The following ATXN1 variants were observed in gnomAD, a reference collection of about 807,000 sequenced individuals.
ATXN1 encodes ataxin 1.
Under a neutral mutation model 56.4 loss-of-function variants are expected in ATXN1, and 8 were observed. That is an observed-to-expected ratio of 0.14 (90% CI 0.08 to 0.26). The LOEUF (loss-of-function observed/expected upper bound fraction) is 0.26, where lower values mean the gene tolerates loss of function less well. Among genes scored for constraint, ATXN1 ranks in the 10% least tolerant of loss-of-function variants. The pLI is 1.00. For synonymous variants in ATXN1, 514 were observed against 494.6 expected (o/e 1.04, Z -0.52); for missense variants, 987 against 1,106.5 (o/e 0.89, Z 1.53).
At chr6:16,626,478 G>T (rs913635441) in intron 3 of ATXN1, among the ~76,000 whole-genome samples, 1 of 152,028 alleles carries the variant, frequency 6.6e-6, no homozygotes, top group Non-Finnish European at 1.5e-5. Flanking sequence ...TTTTAGTAGA[G>T]ACGGGGTTTC....
In ATXN1 at chr6:16,585,869, A is replaced by T. The variant is rs1383698667; in HGVS notation, c.-450T>A. On this transcript the variant is annotated 5_prime_UTR_variant, in exon 4 of 8. Coordinates refer to ENST00000436367, the MANE Select transcript of ATXN1 (RefSeq NM_001128164.2). ...TCACGAAGATTTTGCTTGAGTAGAAAGGGTGGCAGTGGAGAATCTCAGTGT... is the reference window on the plus strand; with the variant it reads ...TCACGAAGATTTTGCTTGAGTAGAATGGGTGGCAGTGGAGAATCTCAGTGT... The T allele has an allele frequency of 6.6e-6, 1 of 152,230 alleles. No individual in the cohort carries two copies. 9.4% of individuals were successfully genotyped at this position (152,230 alleles called of 1,614,324 possible). A position where few individuals can be genotyped will look rare whatever the true frequency, so the allele number is the denominator to read the frequency against.
At chr6:16,759,766 G>C (rs929697982) in intron 1 of ATXN1, among the ~76,000 whole-genome samples, 9 of 151,624 alleles carry the variant, frequency 5.9e-5, no homozygotes, top group African/African-American at 1.9e-4. Flanking sequence ...CCCCACTAAG[G>C]TTCTTGCTCA....
chr6:16,326,251 G>A lies in ATXN1; in HGVS notation c.1917+143C>T, dbSNP rs957785239. 2.0e-5 allele frequency: 29 copies of A among 1,416,230 alleles called. No individual in the cohort carries two copies. The highest frequency in any genetic ancestry group is 2.3e-4 in the Middle Eastern group (1 of 4,356). 87.7% of individuals were successfully genotyped at this position (1,416,230 alleles called of 1,614,324 possible). A position where few individuals can be genotyped will look rare whatever the true frequency, so the allele number is the denominator to read the frequency against. ...ATGGGGCTTATTTTTTCTAGAGAAC[G>A]CAGTTGGGAAAGGCCGAGTCTAAGG... On this transcript the variant is annotated intron_variant, in intron 7 of 7. Transcript: ENST00000436367. The surrounding 1 kb of genome is among the most constrained non-coding windows in gnomAD (Gnocchi z 6.6).
At chr6:16,472,308 T>C (rs1298459252) in intron 6 of ATXN1, among the ~76,000 whole-genome samples, 1 of 152,202 alleles carries the variant, frequency 6.6e-6, no homozygotes, top group Non-Finnish European at 1.5e-5. Context: ...TGTAAGGTCA[T>C]GTGTTTGTAC....
At chr6:16,605,049 A>T (rs538126593) in intron 3 of ATXN1, among the ~76,000 whole-genome samples, 1 of 152,258 alleles carries the variant, frequency 6.6e-6, no homozygotes, top group Non-Finnish European at 1.5e-5. Flanking sequence ...AAAACAAATC[A>T]AGGACTGAGG....
intron 6 of ATXN1, among the ~76,000 whole-genome samples, chr6:16,382,585 C>G (rs182332325): frequency 1.3e-5 from 2 of 152,266 alleles, no homozygotes; most frequent in East Asian, 3.9e-4. Flanking sequence ...AATATTTAAA[C>G]TATTTTTTTA....
At chr6:16,523,191 C>T (rs925280236) in intron 4 of ATXN1, among the ~76,000 whole-genome samples, 1 of 152,156 alleles carries the variant, frequency 6.6e-6, no homozygotes, top group African/African-American at 2.4e-5. Context: ...TTTGAGCCAT[C>T]GTACCCAGCC....
chr6:16,306,983 G>C lies in ATXN1; in HGVS notation c.1918-124C>G, dbSNP rs41267704. The C allele has an allele frequency of 1.7e-6, 2 of 1,164,566 alleles. No homozygotes were observed. Among genetic ancestry groups the C allele is most frequent in the Admixed American group, 2.8e-5 (1 of 35,332 alleles). 72.1% of individuals were successfully genotyped at this position (1,164,566 alleles called of 1,614,324 possible). The stretch of plus-strand genomic sequence containing the variant: ...CACACAGACACACACAGGCTGAATG[G>C]GGGAAAATGACTCAGTTTGCAAACC... On this transcript the variant is annotated intron_variant, in intron 7 of 7. Transcript: ENST00000436367. The surrounding 1 kb of genome is among the most constrained non-coding windows in gnomAD (Gnocchi z 5.2).
At chr6:16,756,038 G>T (rs1644205595) in intron 1 of ATXN1, among the ~76,000 whole-genome samples, 1 of 151,996 alleles carries the variant, frequency 6.6e-6, no homozygotes, top group African/African-American at 2.4e-5. Flanking sequence ...ATTTGGGATG[G>T]TAGTAATGCG....
chr6:16,362,864 G>C (rs572152647), intron 6 of ATXN1, among the ~76,000 whole-genome samples: 2 of 152,192 alleles, frequency 1.3e-5, no homozygotes, highest in East Asian at 3.8e-4. Flanking sequence ...TGAGCAGTAG[G>C]AATAATAACA....
chr6:16,309,482 T>C (rs550147289), intron 7 of ATXN1, among the ~76,000 whole-genome samples: 4 of 151,826 alleles, frequency 2.6e-5, no homozygotes, highest in Admixed American at 6.6e-5. Flanking sequence ...ATAGGATACA[T>C]TGAGAGGGGC....
chr6:16,560,141 T>G lies in ATXN1; in HGVS notation c.-361+25639A>C, dbSNP rs9464919. On this transcript the variant is annotated intron_variant, in intron 4 of 7. Transcript: ENST00000436367. ...AAAGAAAAAGACCAATTTTACTTAT[T>G]CTGCGTAGCTGAATTTTTAGGTCTT... is the stretch of plus-strand genomic sequence containing the variant. Among the ~76,000 whole-genome samples the G allele has an allele frequency of 2.9e-3, 447 of 152,308 alleles. 3 individuals carry two copies. The highest frequency in any genetic ancestry group is 9.9e-3 in the African/African-American group (412 of 41,558).
chr6:16,605,025 A>G (rs896739869), intron 3 of ATXN1, among the ~76,000 whole-genome samples: 1 of 152,242 alleles, frequency 6.6e-6, no homozygotes, highest in African/African-American at 2.4e-5. Flanking sequence ...TGTTAAACAC[A>G]CTAGAGACAT....
intron 7 of ATXN1, among the ~76,000 whole-genome samples, chr6:16,314,764 C>T (rs2113386700): frequency 6.6e-6 from 1 of 152,102 alleles, no homozygotes; most frequent in African/African-American, 2.4e-5. Context: ...GCATAAGCCA[C>T]CACACCTGGC....
At chr6:16,397,970 C>T (rs1352606897) in intron 6 of ATXN1, among the ~76,000 whole-genome samples, 1 of 152,160 alleles carries the variant, frequency 6.6e-6, no homozygotes, top group African/African-American at 2.4e-5. Flanking sequence ...GTGATCTGTC[C>T]AAGGCCACAT....
At position 16,760,035 on chromosome 6, in the gene ATXN1, C is replaced by T. The variant is rs1174158163; in HGVS notation, c.-730+1263G>A. Among the ~76,000 whole-genome samples the T allele has an allele frequency of 1.3e-5, 2 of 152,042 alleles. No homozygotes were observed. Among genetic ancestry groups the T allele is most frequent in the African/African-American group, 4.8e-5 (2 of 41,412 alleles). ...ACTCACACACTCACTCACACTCACG[C>T]CGCGCTCCGACACCGCCTCACCTCT... On this transcript the variant is annotated intron_variant, in intron 1 of 7. Transcript: ENST00000436367. This position sits in a 1 kb window ranked among gnomAD's most constrained non-coding sequence, Gnocchi z 5.3.
At chr6:16,501,983 A>G (rs1760894590) in intron 5 of ATXN1, among the ~76,000 whole-genome samples, 1 of 152,248 alleles carries the variant, frequency 6.6e-6, no homozygotes, top group Middle Eastern at 3.4e-3. Context: ...GCCAGCATCT[A>G]TTAGGAAACT....
chr6:16,672,258 T>C (rs932786154), intron 2 of ATXN1, among the ~76,000 whole-genome samples: 1 of 152,118 alleles, frequency 6.6e-6, no homozygotes, highest in Non-Finnish European at 1.5e-5. Flanking sequence ...CTTTTCAACA[T>C]CCTCCAAATG....
chr6:16,554,884 C>T (rs1761984241), intron 4 of ATXN1, among the ~76,000 whole-genome samples: 1 of 152,210 alleles, frequency 6.6e-6, no homozygotes, highest in Non-Finnish European at 1.5e-5. Flanking sequence ...AGCCACTATG[C>T]CTGGCCATGT....
Sources: gnomAD v4.1 joint callset for allele counts (sites outside exome capture counted in the v4.1 genomes callset) on GRCh38, gnomAD v4.1.1 for gene constraint, Gnocchi (gnomAD v3.1) non-coding constraint, MANE v1.5 for transcripts, NCBI Gene and HGNC (gene_info 2026-07-23, HGNC 2026-07-21) for gene names.